Variants in MAF observed in about 807,000 individuals in gnomAD.
The protein encoded by MAF is transcription factor Maf.
Under a neutral mutation model 22.0 loss-of-function variants are expected in MAF, and 10 were observed. The observed-to-expected ratio is 0.45, with a 90% CI of 0.28 to 0.77. The LOEUF is 0.77. Ranked by LOEUF, MAF falls within the 30% of genes least tolerant of loss-of-function variation. The pLI is 0.12. For missense variants in MAF, 544 were observed against 548.4 expected (o/e 0.99, Z 0.08); for synonymous variants, 337 against 255.8 (o/e 1.32, Z -3.03).
At chr16:79,323,830 T>A in the MAF span, among the ~76,000 whole-genome samples, 3 of 152,134 alleles carry the variant, frequency 2.0e-5, no homozygotes, top group East Asian at 5.8e-4. Flanking sequence ...TTTAGTTAAG[T>A]AGAAGTGATA....
At chr16:79,207,832 C>A in the MAF span, among the ~76,000 whole-genome samples, 1 of 151,932 alleles carries the variant, frequency 6.6e-6, no homozygotes, top group South Asian at 2.1e-4. Flanking sequence ...AACCTCTGTA[C>A]CCTTTCCTTT....
chr16:79,251,520 T>A, the MAF span, among the ~76,000 whole-genome samples: 2 of 152,160 alleles, frequency 1.3e-5, no homozygotes, highest in Non-Finnish European at 2.9e-5. Context: ...TTTCACCATG[T>A]TGGTCAGGTT....
the MAF span, among the ~76,000 whole-genome samples, chr16:79,413,414 T>TA: frequency 6.9e-6 from 1 of 145,550 alleles, no homozygotes; most frequent in Non-Finnish European, 1.5e-5. Flanking sequence ...CGGCTAATTT[T>TA]TTTTTTATTT....
the MAF span, among the ~76,000 whole-genome samples, chr16:79,455,878 T>G: frequency 6.6e-6 from 1 of 151,734 alleles, no homozygotes; most frequent in East Asian, 1.9e-4. Flanking sequence ...GTTAGCCGGG[T>G]GTGGAGGCGC....
the MAF span, among the ~76,000 whole-genome samples, chr16:79,362,418 A>G: frequency 6.6e-6 from 1 of 152,092 alleles, no homozygotes; most frequent in Non-Finnish European, 1.5e-5. Flanking sequence ...GCCTCAATGA[A>G]TTTTGTTGTT....
chr16:79,212,178 G>C, the MAF span: 19 of 1,481,898 alleles, frequency 1.3e-5, no homozygotes, highest in Non-Finnish European at 1.4e-5. Flanking sequence ...CACCACTGCA[G>C]CCGGGGGCTG....
chr16:79,560,354 C>A, the MAF span, among the ~76,000 whole-genome samples: 8 of 151,350 alleles, frequency 5.3e-5, no homozygotes, highest in African/African-American at 1.9e-4. Context: ...TCCATCTGGA[C>A]ATTTCAAATT....
the MAF span, among the ~76,000 whole-genome samples, chr16:79,445,373 C>T: frequency 2.6e-4 from 40 of 152,096 alleles, no homozygotes; most frequent in African/African-American, 4.8e-4. Context: ...TATCAGTTCC[C>T]GGGAGAAGCA....
the MAF span, among the ~76,000 whole-genome samples, chr16:79,446,832 A>G: frequency 6.6e-6 from 1 of 152,070 alleles, no homozygotes; most frequent in East Asian, 1.9e-4. Context: ...CACTTGAGCC[A>G]AGGAGTTTGA....
chr16:79,507,850 T>C, the MAF span, among the ~76,000 whole-genome samples: 1 of 152,220 alleles, frequency 6.6e-6, no homozygotes, highest in South Asian at 2.1e-4. Flanking sequence ...CATTTTCTTC[T>C]GTTGGAGTTT....
At chr16:79,574,633 C>G in the MAF span, among the ~76,000 whole-genome samples, 1 of 152,130 alleles carries the variant, frequency 6.6e-6, no homozygotes, top group African/African-American at 2.4e-5. Context: ...GAGTGAGACT[C>G]AGCAGGGCAA....
the MAF span, among the ~76,000 whole-genome samples, chr16:79,523,913 T>G: frequency 1.3e-5 from 2 of 152,344 alleles, no homozygotes; most frequent in Non-Finnish European, 2.9e-5. Flanking sequence ...CAAAGTTTAT[T>G]GTGGCTTATT....
At chr16:79,417,662 G>C in the MAF span, among the ~76,000 whole-genome samples, 3 of 152,258 alleles carry the variant, frequency 2.0e-5, no homozygotes, top group African/African-American at 4.8e-5. Context: ...CCCCTTCTTG[G>C]AGCAGTACGG....
At chr16:79,462,638 C>T in the MAF span, among the ~76,000 whole-genome samples, 2 of 152,144 alleles carry the variant, frequency 1.3e-5, no homozygotes, top group Non-Finnish European at 2.9e-5. Context: ...CACATGTATA[C>T]AAACACACTC....
At chr16:79,286,584 TTCAC>T in the MAF span, among the ~76,000 whole-genome samples, 240 of 152,278 alleles carry the variant, frequency 1.6e-3, 3 homozygotes, top group African/African-American at 5.6e-3. Context: ...TAATACTTCT[TTCAC>T]TCACTTTTTT....
At chr16:79,440,708 G>T in the MAF span, among the ~76,000 whole-genome samples, 1 of 152,190 alleles carries the variant, frequency 6.6e-6, no homozygotes, top group African/African-American at 2.4e-5. Flanking sequence ...ACCACACTCA[G>T]CCAACCTCAT....
chr16:79,206,831 C>T, the MAF span: 1 of 151,052 alleles, frequency 6.6e-6, no homozygotes, highest in Non-Finnish European at 1.5e-5. Context: ...AGCCTCATTC[C>T]TGTATAGGCT....
the MAF span, among the ~76,000 whole-genome samples, chr16:79,419,696 C>T: frequency 6.6e-6 from 1 of 152,300 alleles, no homozygotes; most frequent in African/African-American, 2.4e-5. Context: ...ATTTTCATCA[C>T]AGATGCCACA....
chr16:79,589,878 G>C (rs993936131), downstream of MAF, among the ~76,000 whole-genome samples: 1 of 152,222 alleles, frequency 6.6e-6, no homozygotes, highest in Non-Finnish European at 1.5e-5. Context: ...GGGCGGCGTC[G>C]TGGGCATCTC....
Sources: allele counts gnomAD v4.1 joint callset (sites outside exome capture counted in the v4.1 genomes callset), GRCh38; gene constraint gnomAD v4.1.1; transcripts MANE v1.5; gene names NCBI Gene and HGNC (gene_info 2026-07-23, HGNC 2026-07-21).